The following SLC2A13 variants were observed in gnomAD, a reference collection of about 807,000 sequenced individuals.
SLC2A13 encodes the protein solute carrier family 2 member 13.
In SLC2A13, 32 loss-of-function variants were observed where a neutral mutation model predicts 64.4. That is an observed-to-expected ratio of 0.50 (90% confidence interval 0.37 to 0.67). The LOEUF (loss-of-function observed/expected upper bound fraction) is 0.67, where lower values mean the gene tolerates loss of function less well. Among genes scored for constraint, SLC2A13 ranks in the 30% least tolerant of loss-of-function variants. SLC2A13 has a pLI of 0.00. For synonymous variants in SLC2A13, 338 were observed against 327.1 expected (o/e 1.03, Z -0.36); for missense variants, 743 against 829.2 (o/e 0.90, Z 1.28).
In SLC2A13 at chr12:39,830,563, G is replaced by C. The variant is rs924060543; in HGVS notation, c.1320-335C>G. 5.6e-6 allele frequency: 5 copies of C among 885,638 alleles called. No homozygotes were observed. The Admixed American group carries it at 2.5e-4, about 44-fold the overall frequency. 54.9% of individuals were successfully genotyped at this position (885,638 alleles called of 1,614,324 possible). A position where few individuals can be genotyped will look rare whatever the true frequency, so the allele number is the denominator to read the frequency against. ...CACTGAGATTTGTTACCAAACTGTA[G>C]ACTGCCTCATTGTGATCCAGCCCTG... On this transcript the variant is annotated intron_variant, in intron 6 of 9. Transcript: ENST00000280871.
intron 7 of SLC2A13, among the ~76,000 whole-genome samples, chr12:39,810,448 T>C (rs2135803858): frequency 6.6e-6 from 1 of 152,314 alleles, no homozygotes; most frequent in South Asian, 2.1e-4. Context: ...AAATAGAGTA[T>C]ATATTCCTTT....
At position 39,873,959 on chromosome 12, in the gene SLC2A13, T is replaced by C. The variant is rs76460176; in HGVS notation, c.1035-1998A>G. ...ATTTATTTATTAAGTACCTAGTGTA[T>C]AAGCTATGTGAATTACTAAGATCCC... On this transcript the variant is annotated intron_variant, in intron 4 of 9. Coordinates refer to ENST00000280871, the MANE Select transcript of SLC2A13 (RefSeq NM_052885.4). 4.2e-3 allele frequency among the ~76,000 whole-genome samples: 633 copies of C among 152,274 alleles called. 6 individuals are homozygous for C. The highest frequency in any genetic ancestry group is 0.015 in the African/African-American group (604 of 41,552).
intron 7 of SLC2A13, among the ~76,000 whole-genome samples, chr12:39,794,346 G>T (rs1199901240): frequency 6.6e-6 from 1 of 152,130 alleles, no homozygotes; most frequent in Non-Finnish European, 1.5e-5. Flanking sequence ...TTACTTGAAA[G>T]ATATTTTCAC....
chr12:39,845,584 T>A (rs1943286777), intron 6 of SLC2A13, among the ~76,000 whole-genome samples: 1 of 152,002 alleles, frequency 6.6e-6, no homozygotes, highest in East Asian at 1.9e-4. Flanking sequence ...TACTGAAGGG[T>A]GAAAGAAACA....
intron 4 of SLC2A13, among the ~76,000 whole-genome samples, chr12:39,929,665 G>T (rs2136069558): frequency 6.6e-6 from 1 of 152,318 alleles, no homozygotes; most frequent in Non-Finnish European, 1.5e-5. Flanking sequence ...GGAGAGGCAG[G>T]CAGGATACTG....
At chr12:39,917,479 G>C (rs1356607697) in intron 4 of SLC2A13, among the ~76,000 whole-genome samples, 1 of 152,000 alleles carries the variant, frequency 6.6e-6, no homozygotes, top group African/African-American at 2.4e-5. Flanking sequence ...GGTGTTTCTG[G>C]GTGAAGTTAG....
chr12:39,968,846 C>T (rs11174530), intron 3 of SLC2A13, among the ~76,000 whole-genome samples: 30,766 of 142,632 alleles, frequency 0.22, 3,590 homozygotes, highest in Admixed American at 0.25. Flanking sequence ...ATGTGCACAA[C>T]GTGCAGGTTT....
chr12:39,828,266 C>CT (rs35084602), intron 7 of SLC2A13, among the ~76,000 whole-genome samples: 1 of 151,608 alleles, frequency 6.6e-6, no homozygotes, highest in Non-Finnish European at 1.5e-5. Context: ...TTTTTTCTTT[C>CT]TTTTTTTGTA....
chr12:40,094,107 C>G (rs749266254), intron 1 of SLC2A13, among the ~76,000 whole-genome samples: 5 of 152,074 alleles, frequency 3.3e-5, no homozygotes, highest in Non-Finnish European at 7.4e-5. Flanking sequence ...GGCCTAGATT[C>G]AAAGGATTTC....
intron 4 of SLC2A13, among the ~76,000 whole-genome samples, chr12:39,922,203 G>A (rs1284573712): frequency 6.6e-6 from 1 of 152,100 alleles, no homozygotes; most frequent in African/African-American, 2.4e-5. Flanking sequence ...ATACTAAAGA[G>A]AATCTTTTTA....
intron 1 of SLC2A13, among the ~76,000 whole-genome samples, chr12:40,051,408 T>C (rs1198893128): frequency 6.6e-6 from 1 of 152,154 alleles, no homozygotes; most frequent in African/African-American, 2.4e-5. Flanking sequence ...TCAGTGAGTA[T>C]TCATCAGACA....
intron 3 of SLC2A13, among the ~76,000 whole-genome samples, chr12:39,998,489 C>T (rs1043035032): frequency 6.6e-6 from 1 of 152,214 alleles, no homozygotes; most frequent in Non-Finnish European, 1.5e-5. Context: ...GGATGTGAGA[C>T]ATGGAGTCAA....
intron 7 of SLC2A13, among the ~76,000 whole-genome samples, chr12:39,809,148 T>A (rs1268799595): frequency 6.6e-6 from 1 of 152,202 alleles, no homozygotes; most frequent in Non-Finnish European, 1.5e-5. Flanking sequence ...GCCAACTGTA[T>A]TAGGACCATT....
intron 1 of SLC2A13, among the ~76,000 whole-genome samples, chr12:40,085,252 CAAACT>C (rs1057100401): frequency 6.6e-6 from 1 of 152,146 alleles, no homozygotes. Flanking sequence ...ACCAGTAAAC[CAAACT>C]GTTTTCTGAT....
chr12:39,853,899 T>C (rs775466444), intron 6 of SLC2A13, among the ~76,000 whole-genome samples: 76 of 152,074 alleles, frequency 5.0e-4, no homozygotes, highest in Non-Finnish European at 9.1e-4. Context: ...GAGGGTAAAA[T>C]TTCATTAAAA....
intron 2 of SLC2A13, among the ~76,000 whole-genome samples, chr12:40,036,000 T>C (rs998232379): frequency 2.6e-5 from 4 of 152,196 alleles, no homozygotes; most frequent in African/African-American, 9.6e-5. Context: ...ACTTCTTAAA[T>C]ATACACATAT....
chr12:39,984,748 G>A (rs1591980044), intron 3 of SLC2A13, among the ~76,000 whole-genome samples: 1 of 152,260 alleles, frequency 6.6e-6, no homozygotes, highest in African/African-American at 2.4e-5. Context: ...TGTCCGTCTT[G>A]ATGAAAAATG....
Position 39,883,938 on chromosome 12 carries a change from AAAACGTT to A in SLC2A13, c.1035-11984_1035-11978del, listed in dbSNP as rs1302305751. ...CACAGAAAAATAAGGCAAATCCATC[AAAACGTT>A]TAGACAGACTATCTCCTGGTGGTGA... On this transcript the variant is annotated intron_variant, in intron 4 of 9. Coordinates refer to ENST00000280871, the MANE Select transcript of SLC2A13 (RefSeq NM_052885.4). Among the ~76,000 whole-genome samples, 80 of 152,308 alleles carry A rather than the reference AAAACGTT, an allele frequency of 5.3e-4. No individual in the cohort carries two copies. In the East Asian group the frequency reaches 0.014, roughly 27 times the overall value.
chr12:40,064,164 G>C (rs184100675), intron 1 of SLC2A13, among the ~76,000 whole-genome samples: 4 of 152,206 alleles, frequency 2.6e-5, no homozygotes, highest in Non-Finnish European at 5.9e-5. Context: ...ATGATCACTT[G>C]AGTCCGCAAG....
Sources: gnomAD v4.1 joint callset for allele counts (sites outside exome capture counted in the v4.1 genomes callset) on GRCh38, gnomAD v4.1.1 for gene constraint, MANE v1.5 for transcripts, NCBI Gene and HGNC (gene_info 2026-07-23, HGNC 2026-07-21) for gene names.